CLSTN2: variants seen among roughly 807,000 people sequenced by gnomAD.
CLSTN2 encodes calsyntenin 2.
In CLSTN2, 48 loss-of-function variants were observed where a neutral mutation model predicts 101.2. The ratio of observed to expected loss-of-function variants is 0.47; its 90% CI spans 0.38 to 0.60. CLSTN2 has a LOEUF of 0.60. Ranked by LOEUF, CLSTN2 falls within the 20% of genes least tolerant of loss-of-function variation. The probability of loss-of-function intolerance (pLI) is 0.00; values close to 1 mark genes in which losing one functional copy is unlikely to be tolerated. For synonymous variants in CLSTN2, 481 were observed against 463.6 expected, an observed-to-expected ratio of 1.04 and a Z score of -0.48; for missense variants, 1,160 against 1,238.2, an observed-to-expected ratio of 0.94 and a Z score of 0.95.
chr3:140,351,367 G>A (rs2087605219), intron 2 of CLSTN2, among the ~76,000 whole-genome samples: 1 of 152,214 alleles, frequency 6.6e-6, no homozygotes, highest in Non-Finnish European at 1.5e-5. Context: ...GGTTCATTCT[G>A]CAGGGCAATA....
intron 1 of CLSTN2, among the ~76,000 whole-genome samples, chr3:140,159,524 G>A (rs1007397762): frequency 2.0e-5 from 3 of 152,084 alleles, no homozygotes; most frequent in Non-Finnish European, 4.4e-5. Context: ...AACAGAGGCT[G>A]GTAAGGCTGT....
chr3:140,161,431 G>A (rs745858428), intron 1 of CLSTN2, among the ~76,000 whole-genome samples: 3 of 152,140 alleles, frequency 2.0e-5, no homozygotes, highest in Non-Finnish European at 2.9e-5. Flanking sequence ...CTGACAGCAT[G>A]CACTCAAGTT....
intron 1 of CLSTN2, among the ~76,000 whole-genome samples, chr3:140,030,771 T>C (rs980323877): frequency 1.3e-5 from 2 of 152,242 alleles, no homozygotes; most frequent in African/African-American, 2.4e-5. Flanking sequence ...TTTGGAATTG[T>C]TAATTAAAAA....
intron 7 of CLSTN2, 69 bp from the exon 8 acceptor site, chr3:140,466,541 G>C (rs1187955575): frequency 6.2e-7 from 1 of 1,601,628 alleles, no homozygotes; most frequent in African/African-American, 1.3e-5. Flanking sequence ...TGAGTGAGCA[G>C]GAAGACTCCT....
At position 140,558,527 on chromosome 3, in the gene CLSTN2, C is replaced by T. The variant is rs78604656; in HGVS notation, c.1824-113C>T. ...CTGTTGACATCCTCAGAGACACTTA[C>T]GCAGTCACGATGCCTTGTTAAGAAC... On this transcript the variant is annotated intron_variant, in intron 11 of 16. Transcript: ENST00000458420. The T allele has an allele frequency of 3.7e-3, 2,698 of 730,092 alleles. 32 individuals carry two copies. The highest frequency in any genetic ancestry group is 0.035 in the African/African-American group (1,991 of 57,160). 45.2% of individuals were successfully genotyped at this position (730,092 alleles called of 1,614,324 possible). A position where few individuals can be genotyped will look rare whatever the true frequency, so the allele number is the denominator to read the frequency against.
intron 2 of CLSTN2, among the ~76,000 whole-genome samples, chr3:140,211,945 A>C (rs186178262): frequency 6.6e-6 from 1 of 152,318 alleles, no homozygotes; most frequent in East Asian, 1.9e-4. Flanking sequence ...TTCAATTCTC[A>C]GCATGCCTAC....
At chr3:140,360,659 A>T (rs1235152930) in intron 2 of CLSTN2, among the ~76,000 whole-genome samples, 1 of 152,174 alleles carries the variant, frequency 6.6e-6, no homozygotes, top group African/African-American at 2.4e-5. Flanking sequence ...CATCCAAAAC[A>T]ACCATCTCAG....
intron 1 of CLSTN2, among the ~76,000 whole-genome samples, chr3:140,162,317 G>A (rs2010059865): frequency 1.3e-5 from 2 of 152,074 alleles, no homozygotes; most frequent in South Asian, 4.1e-4. Flanking sequence ...TCCACCATCT[G>A]GTATAGAAAA....
Position 140,018,752 on chromosome 3 carries a change from G to A in CLSTN2, c.109+83269G>A, listed in dbSNP as rs1576398690. On this transcript the variant is annotated intron_variant, in intron 1 of 16. Coordinates refer to ENST00000458420, the MANE Select transcript of CLSTN2 (RefSeq NM_022131.3). The stretch of plus-strand genomic sequence containing the variant: ...AACAGCTGCATTTCCAAACGAGGGA[G>A]GGATCTTAGGGAATCATCCTCATTC... Among the ~76,000 whole-genome samples, 7 of 152,214 alleles carry A rather than the reference G, an allele frequency of 4.6e-5. No homozygotes were observed. The South Asian group carries it at 1.5e-3, about 32-fold the overall frequency.
At chr3:140,205,857 C>T (rs777097654) in intron 2 of CLSTN2, among the ~76,000 whole-genome samples, 5 of 152,064 alleles carry the variant, frequency 3.3e-5, no homozygotes, top group East Asian at 1.9e-4. Flanking sequence ...GACCAGCAGT[C>T]CCCACCGGTC....
intron 2 of CLSTN2, among the ~76,000 whole-genome samples, chr3:140,303,395 G>T (rs2087078939): frequency 6.6e-6 from 1 of 152,122 alleles, no homozygotes; most frequent in Non-Finnish European, 1.5e-5. Flanking sequence ...GGAAAGGTCA[G>T]ACTCTAGTCC....
At chr3:140,446,494 A>G (rs1030303502) in intron 5 of CLSTN2, among the ~76,000 whole-genome samples, 1 of 152,160 alleles carries the variant, frequency 6.6e-6, no homozygotes, top group Non-Finnish European at 1.5e-5. Context: ...CCTGAAATGT[A>G]TCAAAGTTGT....
At chr3:140,247,410 G>T (rs547488820) in intron 2 of CLSTN2, among the ~76,000 whole-genome samples, 6 of 152,154 alleles carry the variant, frequency 3.9e-5, no homozygotes, top group African/African-American at 1.4e-4. Flanking sequence ...GTGGGCCAGG[G>T]GACCTTTGGG....
At chr3:140,144,002 C>T (rs16849965) in intron 1 of CLSTN2, among the ~76,000 whole-genome samples, 3,451 of 152,258 alleles carry the variant, frequency 0.023, 134 homozygotes, top group African/African-American at 0.079. Context: ...GTGCTCTAGA[C>T]GGATAAAATT....
intron 2 of CLSTN2, among the ~76,000 whole-genome samples, chr3:140,385,523 C>G (rs899247543): frequency 5.3e-5 from 8 of 151,898 alleles, no homozygotes; most frequent in African/African-American, 1.9e-4. Context: ...TGCCCACCAC[C>G]ACGCCTGGCT....
rs1368868664 is a variant in CLSTN2 at position 140,562,814 on chromosome 3, T to G, written c.2216T>G (p.Val739Gly). The change falls in exon 14 of 17, where the codon GTG (valine) becomes GGG (glycine). Residue 739 changes from valine (V) to glycine (G), a missense_variant. Physicochemically the swap from Val to Gly is moderately radical, Grantham distance 109. Coordinates refer to ENST00000458420, the MANE Select transcript of CLSTN2 (RefSeq NM_022131.3). ...CAGGTGTGGTCTCTTGGCACAGGTGTGGGCTCCATGAGCCGCTATGAGCAG... is the reference window on the plus strand; with the variant it reads ...CAGGTGTGGTCTCTTGGCACAGGTGGGGGCTCCATGAGCCGCTATGAGCAG... ...NSTAGYSIYG[V>G]GSMSRYEQVL... 1 of 1,613,758 alleles carries G rather than the reference T, an allele frequency of 6.2e-7. No homozygotes were observed. The highest frequency in any genetic ancestry group is 1.3e-5 in the African/African-American group (1 of 74,922).
intron 2 of CLSTN2, among the ~76,000 whole-genome samples, chr3:140,233,060 A>G (rs966015313): frequency 2.0e-5 from 3 of 152,088 alleles, no homozygotes; most frequent in African/African-American, 7.2e-5. Flanking sequence ...GCTTCAGTGC[A>G]CCCTATTACC....
intron 2 of CLSTN2, among the ~76,000 whole-genome samples, chr3:140,184,427 G>T (rs1278327498): frequency 6.6e-6 from 1 of 152,120 alleles, no homozygotes; most frequent in Non-Finnish European, 1.5e-5. Context: ...GAGTGAAGGA[G>T]GAAGAGCCCC....
intron 2 of CLSTN2, among the ~76,000 whole-genome samples, chr3:140,262,292 G>A (rs2086660086): frequency 6.6e-6 from 1 of 152,172 alleles, no homozygotes; most frequent in Non-Finnish European, 1.5e-5. Context: ...CCAGAGGAAT[G>A]AAGACATTGT....
Sources: allele counts gnomAD v4.1 joint callset (sites outside exome capture counted in the v4.1 genomes callset), GRCh38; gene constraint gnomAD v4.1.1; transcripts MANE v1.5; gene names NCBI Gene and HGNC (gene_info 2026-07-23, HGNC 2026-07-21).